THSD7B: variants seen among roughly 807,000 people sequenced by gnomAD.
THSD7B encodes thrombospondin type 1 domain containing 7B, also known as thrombospondin type-1 domain-containing protein 7B.
Under a neutral mutation model 213.6 loss-of-function variants are expected in THSD7B, and 138 were observed. The ratio of observed to expected loss-of-function variants is 0.65; its 90% CI spans 0.56 to 0.74. The LOEUF (loss-of-function observed/expected upper bound fraction) is 0.74. Ranked by LOEUF, THSD7B falls within the 30% of genes least tolerant of loss-of-function variation. THSD7B has a pLI of 0.00. For missense variants in THSD7B, 1,931 were observed against 1,991.5 expected (o/e 0.97, Z 0.58); for synonymous variants, 742 against 687.0 (o/e 1.08, Z -1.25).
intron 17 of THSD7B, among the ~76,000 whole-genome samples, chr2:137,579,770 G>A (rs1478841257): frequency 6.6e-6 from 1 of 152,222 alleles, no homozygotes; most frequent in East Asian, 1.9e-4. Flanking sequence ...TCGGCTGTCA[G>A]TTATCAGATA....
At chr2:137,579,104 G>T (rs185826964) in intron 17 of THSD7B, among the ~76,000 whole-genome samples, 13 of 152,296 alleles carry the variant, frequency 8.5e-5, no homozygotes, top group African/African-American at 2.6e-4. Context: ...ATTCTAGAGG[G>T]TCTCAGTACC....
intron 2 of THSD7B, among the ~76,000 whole-genome samples, chr2:136,956,122 T>A (rs1685119955): frequency 6.6e-6 from 1 of 151,904 alleles, no homozygotes; most frequent in African/African-American, 2.4e-5. Context: ...ATTTAATAAA[T>A]CTGTCAAGGA....
intron 17 of THSD7B, among the ~76,000 whole-genome samples, chr2:137,610,310 T>C (rs1047458344): frequency 6.6e-6 from 1 of 152,158 alleles, no homozygotes; most frequent in Non-Finnish European, 1.5e-5. Context: ...ATGTTGATGC[T>C]GCTGGTCCTG....
chr2:137,043,376 T>C (rs1050316847), intron 2 of THSD7B, among the ~76,000 whole-genome samples: 1 of 152,080 alleles, frequency 6.6e-6, no homozygotes, highest in African/African-American at 2.4e-5. Context: ...CATGCTTGGT[T>C]CTTTATGGTA....
chr2:137,357,477 T>G (rs1046499980), intron 12 of THSD7B, among the ~76,000 whole-genome samples: 1 of 152,174 alleles, frequency 6.6e-6, no homozygotes, highest in African/African-American at 2.4e-5. Flanking sequence ...TTGTTATAAG[T>G]ATTAGAAAAT....
At chr2:137,443,068 T>C (rs1687451989) in intron 14 of THSD7B, among the ~76,000 whole-genome samples, 1 of 152,192 alleles carries the variant, frequency 6.6e-6, no homozygotes, top group African/African-American at 2.4e-5. Flanking sequence ...CGTACAGTCC[T>C]AACTGAACAG....
chr2:136,882,286 CA>C lies in THSD7B; in HGVS notation c.113del (p.Lys38ArgfsTer95). On this transcript the variant is annotated frameshift_variant, in exon 2 of 28. Coordinates refer to ENST00000409968, the MANE Select transcript of THSD7B (RefSeq NM_001316349.2). LOFTEE classifies it high-confidence loss of function. ...TGTCCCATGCAGCTCATTTGGAAGGCAAAAAGGATAATCAGTTCATCTGGAA... is the reference window on the plus strand; with the variant it reads ...TGTCCCATGCAGCTCATTTGGAAGGCAAAAGGATAATCAGTTCATCTGGAA... Reference protein sequence around the residue: ...LLSHAAHLEGKKDNQFIWKPG... With the variant: ...LLSHAAHLEGXKDNQFIWKPG... 6.5e-7 allele frequency: 1 copy of C among 1,539,956 alleles called. No individual in the cohort carries two copies. The highest frequency in any genetic ancestry group is 2.0e-5 in the Admixed American group (1 of 48,930).
intron 17 of THSD7B, among the ~76,000 whole-genome samples, chr2:137,611,745 A>G (rs1181809501): frequency 6.6e-6 from 1 of 152,130 alleles, no homozygotes; most frequent in African/African-American, 2.4e-5. Flanking sequence ...TAGTAAATTA[A>G]CTTTCTCAGA....
intron 15 of THSD7B, among the ~76,000 whole-genome samples, chr2:137,487,736 C>CTTT (rs746163389): frequency 7.5e-5 from 1 of 13,338 alleles, no homozygotes; most frequent in African/African-American, 2.7e-4. Flanking sequence ...AGGTTTCTTT[C>CTTT]TTTTTTTTTT....
chr2:136,787,972 T>G (rs994227193), intron 1 of THSD7B, among the ~76,000 whole-genome samples: 1 of 152,208 alleles, frequency 6.6e-6, no homozygotes, highest in African/African-American at 2.4e-5. Flanking sequence ...GTTGAAAGCC[T>G]GTAAGACTTT....
At chr2:137,207,907 T>G (rs1202549340) in intron 7 of THSD7B, among the ~76,000 whole-genome samples, 7 of 152,174 alleles carry the variant, frequency 4.6e-5, no homozygotes, top group Middle Eastern at 3.4e-3. Context: ...ACAAAACCAA[T>G]TCATTGAGAC....
intron 2 of THSD7B, among the ~76,000 whole-genome samples, chr2:137,039,852 T>C (rs1686848427): frequency 6.6e-6 from 1 of 152,228 alleles, no homozygotes. Flanking sequence ...AACAAATGAA[T>C]GTAAGCATTT....
intron 15 of THSD7B, among the ~76,000 whole-genome samples, chr2:137,480,629 T>G (rs1688285646): frequency 1.3e-5 from 2 of 152,252 alleles, no homozygotes; most frequent in South Asian, 4.1e-4. Flanking sequence ...ATTTTTCACT[T>G]TTGATTAAGC....
In THSD7B at chr2:136,882,329, C is replaced by A; in HGVS notation, c.139+12C>A. The A allele has an allele frequency of 6.6e-7, 1 of 1,513,102 alleles. No individual in the cohort carries two copies. The highest frequency in any genetic ancestry group is 8.8e-7 in the Non-Finnish European group (1 of 1,131,412). The allele number at this position is 1,513,102 out of a possible 1,614,324, so 93.7% of individuals were successfully genotyped here. On this transcript the variant is annotated intron_variant, in intron 2 of 27. Coordinates refer to ENST00000409968, the MANE Select transcript of THSD7B (RefSeq NM_001316349.2). ...CATCTGGAAACCAGGTAGGAATGTC[C>A]TGGCTGTTCCTTTGTCCTATTTTCA...
At chr2:137,323,265 G>A (rs1684300051) in intron 12 of THSD7B, among the ~76,000 whole-genome samples, 1 of 152,152 alleles carries the variant, frequency 6.6e-6, no homozygotes, top group Admixed American at 6.5e-5. Context: ...GAAGTCAGAG[G>A]TGGAGGTAGC....
intron 1 of THSD7B, among the ~76,000 whole-genome samples, chr2:136,826,282 A>G (rs1305591106): frequency 1.3e-5 from 2 of 152,214 alleles, no homozygotes; most frequent in Non-Finnish European, 2.9e-5. Flanking sequence ...GAGAGGATTT[A>G]TTATCATTTG....
At chr2:137,339,737 G>A (rs1573970212) in intron 12 of THSD7B, among the ~76,000 whole-genome samples, 1 of 151,562 alleles carries the variant, frequency 6.6e-6, no homozygotes, top group East Asian at 1.9e-4. Context: ...ACAGGGAAAG[G>A]GCTGTTGTTT....
At chr2:137,089,803 A>T (rs1558916780) in intron 3 of THSD7B, among the ~76,000 whole-genome samples, 1 of 152,022 alleles carries the variant, frequency 6.6e-6, no homozygotes, top group Admixed American at 6.6e-5. Context: ...GAGGTCAGGA[A>T]TTTGAGACCA....
intron 2 of THSD7B, among the ~76,000 whole-genome samples, chr2:136,903,925 GGT>G (rs775988420): frequency 1.2e-3 from 136 of 108,820 alleles, no homozygotes; most frequent in African/African-American, 4.5e-3. Context: ...CTTCCTGTGA[GGT>G]GTGTGTGTGT....
Sources: allele counts gnomAD v4.1 joint callset (sites outside exome capture counted in the v4.1 genomes callset), GRCh38; gene constraint gnomAD v4.1.1; transcripts MANE v1.5; gene names NCBI Gene and HGNC (gene_info 2026-07-23, HGNC 2026-07-21).